RBPJ: variants seen among roughly 807,000 people sequenced by gnomAD.
RBPJ encodes recombination signal binding protein for immunoglobulin kappa J region, also known as recombining binding protein suppressor of hairless.
RBPJ carries 9 observed loss-of-function variants against 67.8 expected under a neutral mutation model. The ratio of observed to expected loss-of-function variants is 0.13; its 90% CI spans 0.08 to 0.23. The LOEUF is 0.23. Ranked by LOEUF, RBPJ falls within the 10% of genes least tolerant of loss-of-function variation. The pLI is 1.00. For missense variants in RBPJ, 305 were observed against 595.6 expected (o/e 0.51, Z 5.08); for synonymous variants, 198 against 203.3 (o/e 0.97, Z 0.22).
chr4:26,412,908 C>T (rs1734185038), intron 3 of RBPJ: 2 of 152,234 alleles, frequency 1.3e-5, no homozygotes. Context: ...CCCAGCTAAT[C>T]CAGGCTTCCC....
chr4:26,365,718 A>G (rs753500074), intron 1 of RBPJ, among the ~76,000 whole-genome samples: 31 of 152,368 alleles, frequency 2.0e-4, no homozygotes, highest in Non-Finnish European at 4.0e-4. Flanking sequence ...AGTGACCAGC[A>G]TAAGTTTCAG....
At chr4:26,288,811 T>C (rs752481057) in intron 1 of RBPJ, among the ~76,000 whole-genome samples, 5 of 152,182 alleles carry the variant, frequency 3.3e-5, no homozygotes, top group Admixed American at 6.5e-5. Flanking sequence ...ACAGCATTAA[T>C]ATCCCCACTT....
intron 1 of RBPJ, among the ~76,000 whole-genome samples, chr4:26,299,955 G>T (rs1722022832): frequency 6.6e-6 from 1 of 152,090 alleles, no homozygotes; most frequent in Non-Finnish European, 1.5e-5. Context: ...AAAGTGTTGG[G>T]ATTACAGGCG....
chr4:26,419,624 C>T lies in RBPJ; in HGVS notation c.322-927C>T, dbSNP rs116088341. Among the ~76,000 whole-genome samples the T allele has an allele frequency of 6.0e-3, 911 of 152,254 alleles. 13 individuals are homozygous for T. Among genetic ancestry groups the T allele is most frequent in the African/African-American group, 0.021 (871 of 41,540 alleles). ...TTAATTTTAAAGTGGAATGTTGATC[C>T]TTTAAAAAATATAATTCGATACTTT... On this transcript the variant is annotated intron_variant, in intron 4 of 10. Coordinates refer to ENST00000355476, the MANE Select transcript of RBPJ (RefSeq NM_015874.6).
the RBPJ span, among the ~76,000 whole-genome samples, chr4:26,115,227 T>C: frequency 6.6e-6 from 1 of 152,210 alleles, no homozygotes. Context: ...ACCACATACC[T>C]CTTTTTATAT....
At chr4:26,305,928 T>C (rs898035622) in intron 1 of RBPJ, among the ~76,000 whole-genome samples, 3 of 151,642 alleles carry the variant, frequency 2.0e-5, no homozygotes, top group African/African-American at 7.3e-5. Context: ...TACAGGCGTG[T>C]GCCACTGCCC....
At chr4:26,385,752 ATTTTCT>A (rs983893175) in intron 1 of RBPJ, among the ~76,000 whole-genome samples, 48 of 149,716 alleles carry the variant, frequency 3.2e-4, no homozygotes, top group African/African-American at 9.1e-4. Context: ...ACCCACTAGA[ATTTTCT>A]TTTTCTTTTT....
chr4:26,355,507 G>A (rs1469808268), intron 1 of RBPJ, among the ~76,000 whole-genome samples: 1 of 149,340 alleles, frequency 6.7e-6, no homozygotes, highest in East Asian at 2.0e-4. Context: ...AAAAAAAATG[G>A]GTGTGGGGGT....
the RBPJ span, among the ~76,000 whole-genome samples, chr4:26,141,948 G>A: frequency 3.3e-5 from 5 of 152,238 alleles, no homozygotes; most frequent in Non-Finnish European, 7.3e-5. Flanking sequence ...GAATTTGCAT[G>A]CAGAGTGTTT....
chr4:26,316,031 C>T (rs748645108), upstream of RBPJ, among the ~76,000 whole-genome samples: 1 of 151,954 alleles, frequency 6.6e-6, no homozygotes, highest in Non-Finnish European at 1.5e-5. Context: ...TTCAAACACA[C>T]GTTTTACAAT....
At chr4:26,298,705 A>G (rs1175202490) in intron 1 of RBPJ, among the ~76,000 whole-genome samples, 1 of 152,226 alleles carries the variant, frequency 6.6e-6, no homozygotes, top group Non-Finnish European at 1.5e-5. Context: ...TCTTTAGCAC[A>G]TTAGTTTGGT....
chr4:26,116,447 T>G, the RBPJ span, among the ~76,000 whole-genome samples: 1 of 152,192 alleles, frequency 6.6e-6, no homozygotes, highest in Admixed American at 6.5e-5. Flanking sequence ...TTTCTATCAT[T>G]TTTTTCCCAC....
intron 1 of RBPJ, among the ~76,000 whole-genome samples, chr4:26,247,668 C>T (rs1417295117): frequency 6.6e-6 from 1 of 152,176 alleles, no homozygotes; most frequent in East Asian, 1.9e-4. Context: ...CCTCAGCCTC[C>T]CAAAGTGCTG....
In RBPJ at chr4:26,231,902, T is replaced by A. The variant is rs891957531; in HGVS notation, c.-167+68288T>A. Among the ~76,000 whole-genome samples, 11 of 151,682 alleles carry A rather than the reference T, an allele frequency of 7.3e-5. No individual in the cohort carries two copies. The South Asian group carries it at 2.3e-3, about 32-fold the overall frequency. On this transcript the variant is annotated intron_variant, in intron 1 of 4. Coordinates refer to the RBPJ transcript ENST00000512351. ...TTTTATTTATTTTTATTTATTTATT[T>A]ATTTTTTTAGACAGAGTCTCACTCT...
At chr4:26,379,265 G>A (rs867410084) in intron 1 of RBPJ, among the ~76,000 whole-genome samples, 9 of 151,892 alleles carry the variant, frequency 5.9e-5, no homozygotes, top group Middle Eastern at 3.4e-3. Flanking sequence ...CTGCAGCCTG[G>A]TACTCCTGGG....
chr4:26,195,586 T>C (rs982047618), intron 1 of RBPJ, among the ~76,000 whole-genome samples: 1 of 151,996 alleles, frequency 6.6e-6, no homozygotes, highest in Non-Finnish European at 1.5e-5. Flanking sequence ...CTGAGTATGT[T>C]TTTTTTTGTT....
chr4:26,234,710 T>C (rs537848344), intron 1 of RBPJ, among the ~76,000 whole-genome samples: 1 of 152,116 alleles, frequency 6.6e-6, no homozygotes, highest in South Asian at 2.1e-4. Flanking sequence ...TTTATTTATT[T>C]GAGATAGAGT....
At chr4:26,109,412 CTCTCTCTCTCTCCCTCTCTCT>C in the RBPJ span, among the ~76,000 whole-genome samples, 1 of 18,416 alleles carries the variant, frequency 5.4e-5, no homozygotes, top group Non-Finnish European at 1.1e-4. Context: ...GTCCACCTTC[CTCTCTCTCTCTCCCTCTCTCT>C]CTCTCTCTCT....
chr4:26,303,440 GAA>G (rs61104406), intron 1 of RBPJ, among the ~76,000 whole-genome samples: 971 of 75,702 alleles, frequency 0.013, 9 homozygotes, highest in African/African-American at 0.044. Flanking sequence ...ACTCCAGTCT[GAA>G]AAAAAAAAAA....
Sources: gnomAD v4.1 joint callset for allele counts (sites outside exome capture counted in the v4.1 genomes callset) on GRCh38, gnomAD v4.1.1 for gene constraint, MANE v1.5 for transcripts, NCBI Gene and HGNC (gene_info 2026-07-23, HGNC 2026-07-21) for gene names.